MGAT4C: variants seen among roughly 807,000 people sequenced by gnomAD.
MGAT4C encodes the protein alpha-1,3-mannosyl-glycoprotein 4-beta-N-acetylglucosaminyltransferase C.
A neutral mutation model predicts 40.1 loss-of-function variants in MGAT4C; 19 were observed. The ratio of observed to expected loss-of-function variants is 0.47; its 90% CI spans 0.33 to 0.70. The LOEUF is 0.70. MGAT4C is among the 30% of genes least tolerant of loss of function. MGAT4C has a pLI of 0.02. For missense variants in MGAT4C, 491 were observed against 563.2 expected (o/e 0.87, Z 1.30); for synonymous variants, 181 against 187.1 (o/e 0.97, Z 0.27).
intron 1 of MGAT4C, among the ~76,000 whole-genome samples, chr12:86,813,974 G>A (rs1204914886): frequency 2.0e-5 from 3 of 151,704 alleles, no homozygotes; most frequent in Admixed American, 6.6e-5. Flanking sequence ...GCAGTGGCAC[G>A]ATATTGGCTC....
intron 2 of MGAT4C, among the ~76,000 whole-genome samples, chr12:86,562,158 C>G (rs1012940971): frequency 6.6e-6 from 1 of 152,146 alleles, no homozygotes; most frequent in Admixed American, 6.5e-5. Flanking sequence ...GTTTCTAACT[C>G]TCAGCTTCAG....
intron 1 of MGAT4C, among the ~76,000 whole-genome samples, chr12:86,732,300 G>A (rs780823378): frequency 4.6e-5 from 7 of 152,092 alleles, no homozygotes; most frequent in South Asian, 2.1e-4. Flanking sequence ...GACTGGTTTC[G>A]TGGAAAACAA....
At chr12:86,770,146 AT>A (rs891254457) in intron 1 of MGAT4C, among the ~76,000 whole-genome samples, 43 of 151,824 alleles carry the variant, frequency 2.8e-4, no homozygotes, top group African/African-American at 7.5e-4. Flanking sequence ...AACAGAGACT[AT>A]TTTTTTTCAT....
intron 1 of MGAT4C, among the ~76,000 whole-genome samples, chr12:86,774,303 C>CTT (rs752244371): frequency 9.7e-4 from 24 of 24,866 alleles, no homozygotes; most frequent in Admixed American, 7.7e-3. Context: ...TTCTTTCTTT[C>CTT]TTTCTTTCTT....
chr12:86,305,684 T>A (rs999480489), intron 4 of MGAT4C, among the ~76,000 whole-genome samples: 3 of 150,506 alleles, frequency 2.0e-5, no homozygotes, highest in Admixed American at 2.0e-4. Flanking sequence ...TACTTGCATA[T>A]AATCTATGCA....
intron 2 of MGAT4C, among the ~76,000 whole-genome samples, chr12:86,631,142 C>T (rs1963023839): frequency 6.6e-6 from 1 of 152,098 alleles, no homozygotes; most frequent in Admixed American, 6.6e-5. Flanking sequence ...CATGAATGAA[C>T]TCCCATTCAC....
chr12:86,136,974 C>T (rs1221485692), intron 1 of MGAT4C, among the ~76,000 whole-genome samples: 1 of 152,106 alleles, frequency 6.6e-6, no homozygotes, highest in African/African-American at 2.4e-5. Flanking sequence ...GCATGAGCCG[C>T]GCGCCTGGCT....
intron 3 of MGAT4C, among the ~76,000 whole-genome samples, chr12:86,385,889 G>T (rs17289646): frequency 0.085 from 12,912 of 151,954 alleles, 764 homozygotes; most frequent in Middle Eastern, 0.22. Flanking sequence ...TTATACAAAT[G>T]TTACCATTAT....
intron 1 of MGAT4C, among the ~76,000 whole-genome samples, chr12:86,150,280 A>C (rs1884110774): frequency 1.3e-5 from 2 of 152,210 alleles, no homozygotes; most frequent in African/African-American, 4.8e-5. Flanking sequence ...CTAACAGGCC[A>C]GGGTACCAGT....
chr12:86,020,350 A>G (rs1171256472), intron 2 of MGAT4C, among the ~76,000 whole-genome samples: 1 of 152,092 alleles, frequency 6.6e-6, no homozygotes, highest in African/African-American at 2.4e-5. Flanking sequence ...GCTCTTATAC[A>G]GTAACCAAAA....
rs752469980 is a variant in MGAT4C at position 86,388,675 on chromosome 12, G to GTTT, written c.-120+46479_-120+46481dup. ...ATCAATAAACACTTCAGCGTTTTTT[G>GTTT]TTTTTTTTTTTTTTTTTTTTTTTTA... On this transcript the variant is annotated intron_variant, in intron 3 of 7. Coordinates refer to the MGAT4C transcript ENST00000548651. 6.5e-4 allele frequency among the ~76,000 whole-genome samples: 64 copies of GTTT among 98,724 alleles called. 1 individual carries two copies. Among genetic ancestry groups the GTTT allele is most frequent in the Middle Eastern group, 5.6e-3 (1 of 180 alleles). The allele number at this position is 98,724 out of a possible 152,430, so 64.8% of individuals were successfully genotyped here.
At chr12:86,760,257 CA>C (rs755722616) in intron 1 of MGAT4C, among the ~76,000 whole-genome samples, 1 of 151,862 alleles carries the variant, frequency 6.6e-6, no homozygotes, top group Non-Finnish European at 1.5e-5. Context: ...TCACCATATG[CA>C]AAAAAATAAC....
chr12:86,080,379 T>C (rs1870599198), intron 1 of MGAT4C, among the ~76,000 whole-genome samples: 1 of 152,240 alleles, frequency 6.6e-6, no homozygotes, highest in African/African-American at 2.4e-5. Context: ...ATGTTTTCTT[T>C]ATATTTTTAG....
At chr12:86,334,916 T>A (rs1166005381) in intron 3 of MGAT4C, among the ~76,000 whole-genome samples, 1 of 152,118 alleles carries the variant, frequency 6.6e-6, no homozygotes, top group African/African-American at 2.4e-5. Flanking sequence ...TGAACCTCCA[T>A]ATTATAATAA....
At chr12:86,741,841 A>G (rs1951074801) in intron 1 of MGAT4C, among the ~76,000 whole-genome samples, 1 of 151,518 alleles carries the variant, frequency 6.6e-6, no homozygotes, top group East Asian at 1.9e-4. Context: ...AATATAATAA[A>G]GAACTATCAT....
At chr12:86,802,160 T>C (rs1415537095) in intron 1 of MGAT4C, among the ~76,000 whole-genome samples, 11 of 151,962 alleles carry the variant, frequency 7.2e-5, no homozygotes, top group Non-Finnish European at 1.3e-4. Context: ...ATATTTAGAA[T>C]TGTTGAAAGA....
intron 3 of MGAT4C, among the ~76,000 whole-genome samples, chr12:86,363,514 A>C (rs139101242): frequency 1.3e-5 from 2 of 152,166 alleles, no homozygotes; most frequent in East Asian, 3.9e-4. Flanking sequence ...AAAAGAAAAA[A>C]ATTCTCAAAT....
intron 2 of MGAT4C, among the ~76,000 whole-genome samples, chr12:86,465,521 C>A (rs927255635): frequency 2.0e-4 from 30 of 151,688 alleles, no homozygotes; most frequent in African/African-American, 6.8e-4. Flanking sequence ...AAGTCTTAAA[C>A]CTCAACAATA....
chr12:86,319,440 C>T (rs1954323997), intron 4 of MGAT4C, among the ~76,000 whole-genome samples: 1 of 152,124 alleles, frequency 6.6e-6, no homozygotes, highest in Non-Finnish European at 1.5e-5. Context: ...TGAATAATTC[C>T]TTCATGTCAT....
Sources: allele counts gnomAD v4.1 joint callset (sites outside exome capture counted in the v4.1 genomes callset), GRCh38; gene constraint gnomAD v4.1.1; transcripts MANE v1.5; gene names NCBI Gene and HGNC (gene_info 2026-07-23, HGNC 2026-07-21).